TUT4: variants seen among roughly 807,000 people sequenced by gnomAD.
TUT4 encodes terminal uridylyl transferase 4.
TUT4 carries 36 observed loss-of-function variants against 192.2 expected under a neutral mutation model. The ratio of observed to expected loss-of-function variants is 0.19; its 90% CI spans 0.14 to 0.25. The LOEUF (loss-of-function observed/expected upper bound fraction) is 0.25. Ranked by LOEUF, TUT4 falls within the 10% of genes least tolerant of loss-of-function variation. The pLI, the probability that TUT4 is intolerant of heterozygous loss-of-function variation, is 1.00. For missense variants in TUT4, 1,493 were observed against 1,957.2 expected, an observed-to-expected ratio of 0.76 and a Z score of 4.47; for synonymous variants, 618 against 666.0, an observed-to-expected ratio of 0.93 and a Z score of 1.11.
intron 1 of TUT4, among the ~76,000 whole-genome samples, chr1:52,536,719 T>C (rs931052225): frequency 6.6e-5 from 10 of 151,830 alleles, no homozygotes; most frequent in Non-Finnish European, 1.5e-4. Context: ...GAGGGCGTGG[T>C]GGTGGGTGCT....
Position 52,436,749 on chromosome 1 carries a change from A to G in TUT4, c.4162+6T>C, listed in dbSNP as rs752326298. ...CCAGAAACTATGTTTGGCCTTTTCT[A>G]TTTACCTGCCACACTGCTATTCCTC... is the stretch of plus-strand genomic sequence containing the variant. On this transcript the variant is annotated splice_donor_region_variant and intron_variant, in intron 26 of 29. Transcript: ENST00000257177. 1.2e-6 allele frequency: 2 copies of G among 1,612,742 alleles called. No homozygotes were observed. Among genetic ancestry groups the G allele is most frequent in the Non-Finnish European group, 1.7e-6 (2 of 1,179,970 alleles).
At chr1:52,451,030 C>T (rs764293094) in intron 20 of TUT4, among the ~76,000 whole-genome samples, 79 of 152,232 alleles carry the variant, frequency 5.2e-4, no homozygotes, top group Middle Eastern at 3.4e-3. Flanking sequence ...CTCTGGGAGG[C>T]CCAGGTGGGC....
At chr1:52,542,849 C>T (rs1225699514) in intron 1 of TUT4, among the ~76,000 whole-genome samples, 3 of 152,056 alleles carry the variant, frequency 2.0e-5, no homozygotes, top group Non-Finnish European at 2.9e-5. Flanking sequence ...GCAACCTCCG[C>T]CTCCCAGGTT....
intron 1 of TUT4, among the ~76,000 whole-genome samples, chr1:52,526,924 T>G (rs1681934356): frequency 6.6e-6 from 1 of 152,040 alleles, no homozygotes; most frequent in African/African-American, 2.4e-5. Flanking sequence ...ACTCAGGGGC[T>G]GAGACAGGAA....
chr1:52,449,694 C>CA (rs2148511485), intron 20 of TUT4, among the ~76,000 whole-genome samples: 1 of 152,298 alleles, frequency 6.6e-6, no homozygotes, highest in East Asian at 1.9e-4. Flanking sequence ...GTCATACTGT[C>CA]ACGCTACCAT....
chr1:52,453,281 C>T (rs1473115431), intron 20 of TUT4, among the ~76,000 whole-genome samples: 1 of 151,780 alleles, frequency 6.6e-6, no homozygotes, highest in African/African-American at 2.4e-5. Context: ...ACTGGGGAGG[C>T]TGAGGCAGGA....
At chr1:52,432,812 T>C (rs1652504470) in intron 27 of TUT4, 1 of 152,218 alleles carries the variant, frequency 6.6e-6, no homozygotes, top group Non-Finnish European at 1.5e-5. Context: ...TCCCAGCTAC[T>C]CTGGAGGCTG....
chr1:52,466,678 A>T (rs182066498), intron 15 of TUT4, among the ~76,000 whole-genome samples: 9,100 of 135,754 alleles, frequency 0.067, 852 homozygotes, highest in African/African-American at 0.23. Flanking sequence ...ATATATATAT[A>T]TATATTTTTG....
chr1:52,478,395 T>A (rs571406792), intron 11 of TUT4, among the ~76,000 whole-genome samples: 1 of 152,330 alleles, frequency 6.6e-6, no homozygotes, highest in African/African-American at 2.4e-5. Flanking sequence ...CTTTAGAACC[T>A]CCTATGTCCC....
chr1:52,511,393 T>C (rs1263212412), intron 3 of TUT4, among the ~76,000 whole-genome samples: 1 of 152,188 alleles, frequency 6.6e-6, no homozygotes, highest in Non-Finnish European at 1.5e-5. Context: ...ATTGAGCTCA[T>C]ATTATACAGC....
Position 52,424,088 on chromosome 1 carries a change from C to CT in TUT4, c.4871-87dup, listed in dbSNP as rs1001050497. ...TTAGAATTAACTTGTAGTTAGCTTT[C>CT]TTTTTTTCTATTTATATAATAGGAG... On this transcript the variant is annotated intron_variant, in intron 29 of 29. Coordinates refer to ENST00000257177, the MANE Select transcript of TUT4 (RefSeq NM_001009881.3). The CT allele has an allele frequency of 3.7e-6, 5 of 1,363,764 alleles. No individual in the cohort carries two copies. In the East Asian group the frequency reaches 1.0e-4, roughly 27 times the overall value. The allele number at this position is 1,363,764 out of a possible 1,614,324, so 84.5% of individuals were successfully genotyped here.
chr1:52,427,881 G>A (rs921315224), intron 28 of TUT4, among the ~76,000 whole-genome samples: 15 of 152,226 alleles, frequency 9.9e-5, no homozygotes, highest in South Asian at 6.2e-4. Context: ...CTTCTGAAGT[G>A]AGGAAACTGG....
At chr1:52,447,459 A>C (rs1216600256) in intron 20 of TUT4, among the ~76,000 whole-genome samples, 4 of 128,656 alleles carry the variant, frequency 3.1e-5, no homozygotes, top group African/African-American at 5.0e-5. Flanking sequence ...ACCAAAAAAA[A>C]ACAAAAAAAC....
At chr1:52,519,205 C>T (rs1277162797) in intron 2 of TUT4, among the ~76,000 whole-genome samples, 2 of 151,946 alleles carry the variant, frequency 1.3e-5, no homozygotes, top group African/African-American at 2.4e-5. Flanking sequence ...AAGGGAATGA[C>T]GTACTAATAC....
In TUT4 at chr1:52,475,480, G is replaced by A; in HGVS notation, c.2079C>T (p.Tyr693=). The A allele has an allele frequency of 2.5e-6, 4 of 1,613,958 alleles. No homozygotes were observed. The highest frequency in any genetic ancestry group is 1.1e-5 in the South Asian group (1 of 91,070). ...CCCTAAATCTCTCCACAACATATTC[G>A]TAAACCAGCTGGCTGTTTAAGCTCC... ...VARSLNSQLV[Y]EYVVERFRAA... The change falls in exon 13 of 30, where the codon TAC becomes TAT. Residue 693 remains tyrosine, a synonymous_variant. Coordinates refer to ENST00000257177, the MANE Select transcript of TUT4 (RefSeq NM_001009881.3).
In TUT4 at chr1:52,488,699, A is replaced by G. The variant is rs185903649; in HGVS notation, c.1515+210T>C. Among the ~76,000 whole-genome samples, 6 of 152,360 alleles carry G rather than the reference A, an allele frequency of 3.9e-5. No individual in the cohort carries two copies. The East Asian group carries it at 1.2e-3, about 29-fold the overall frequency. On this transcript the variant is annotated intron_variant, in intron 9 of 29. Transcript: ENST00000257177. Reference sequence around the variant, plus strand: ...ATAGCATGACAATTAAAAATTCTAAAATATATCCATAAGTGTGTCTACAAA... The same window carrying G: ...ATAGCATGACAATTAAAAATTCTAAGATATATCCATAAGTGTGTCTACAAA...
intron 1 of TUT4, among the ~76,000 whole-genome samples, chr1:52,547,295 T>A (rs1688326358): frequency 6.6e-6 from 1 of 151,304 alleles, no homozygotes; most frequent in African/African-American, 2.4e-5. Context: ...CATGAAGAGA[T>A]GCTCAACATC....
In TUT4 at chr1:52,481,939, GA is replaced by G; in HGVS notation, c.1516-17del. The G allele has an allele frequency of 7.4e-6, 11 of 1,480,100 alleles. No homozygotes were observed. The highest frequency in any genetic ancestry group is 9.8e-6 in the Non-Finnish European group (11 of 1,119,394). 91.7% of individuals were successfully genotyped at this position (1,480,100 alleles called of 1,614,324 possible). On this transcript the variant is annotated splice_polypyrimidine_tract_variant and intron_variant, in intron 9 of 29. Coordinates refer to ENST00000257177, the MANE Select transcript of TUT4 (RefSeq NM_001009881.3). The stretch of plus-strand genomic sequence containing the variant: ...TATAGCACAACTGCAAAATGAAGGG[GA>G]AAAAAGTACTACCATTTAGCTTTCT...
At chr1:52,473,624 T>C (rs949191400) in intron 13 of TUT4, among the ~76,000 whole-genome samples, 10 of 152,204 alleles carry the variant, frequency 6.6e-5, no homozygotes, top group African/African-American at 2.2e-4. Flanking sequence ...TATTTAATAA[T>C]TAGGTTAAAC....
Sources: allele counts gnomAD v4.1 joint callset (sites outside exome capture counted in the v4.1 genomes callset), GRCh38; gene constraint gnomAD v4.1.1; transcripts MANE v1.5; gene names NCBI Gene and HGNC (gene_info 2026-07-23, HGNC 2026-07-21).